Variants in KPLCE observed in about 807,000 individuals in gnomAD.
KPLCE encodes the protein KPRP N-terminal and LCE C-terminal like protein.
chr1:152,720,087 G>A, the KPLCE span: 214 of 1,551,694 alleles, frequency 1.4e-4, no homozygotes, highest in African/African-American at 2.3e-3. Flanking sequence ...TGGATTCAGC[G>A]GCCCCAGAAC....
the KPLCE span, chr1:152,719,600 A>G: frequency 6.4e-7 from 1 of 1,551,898 alleles, no homozygotes; most frequent in Non-Finnish European, 8.7e-7. Flanking sequence ...GCAGGGTAGC[A>G]ATGGTGCCTC....
chr1:152,719,744 C>G, the KPLCE span: 31 of 1,552,096 alleles, frequency 2.0e-5, no homozygotes, highest in Non-Finnish European at 2.6e-5. Flanking sequence ...AGCTCCCTGC[C>G]AGAGGACCTA....
chr1:152,719,671 C>A, the KPLCE span: 1 of 1,552,162 alleles, frequency 6.4e-7, no homozygotes, highest in Non-Finnish European at 8.7e-7. Flanking sequence ...CTGCTCCATG[C>A]CCTACTCAAA....
At chr1:152,719,718 CCTA>C in the KPLCE span, 1 of 1,552,262 alleles carries the variant, frequency 6.4e-7, no homozygotes, top group Non-Finnish European at 8.7e-7. Context: ...CAGACTCAAA[CCTA>C]CGTGAAGTGC....
chr1:152,720,036 G>A, the KPLCE span: 145,583 of 1,551,678 alleles, frequency 0.094, 7,273 homozygotes, highest in Middle Eastern at 0.13. Flanking sequence ...AGCTACTGCT[G>A]TCTGGCTCCC....
the KPLCE span, chr1:152,720,440 C>A: frequency 1.6e-6 from 1 of 607,074 alleles, no homozygotes; most frequent in Non-Finnish European, 2.9e-6. Flanking sequence ...GTACAGTCCC[C>A]AAACTTTGGC....
At chr1:152,720,034 C>T in the KPLCE span, 2 of 1,551,648 alleles carry the variant, frequency 1.3e-6, no homozygotes, top group African/African-American at 1.4e-5. Flanking sequence ...CCAGCTACTG[C>T]TGTCTGGCTC....
At chr1:152,720,450 C>T in the KPLCE span, 5 of 596,834 alleles carry the variant, frequency 8.4e-6, no homozygotes, top group Non-Finnish European at 1.5e-5. Flanking sequence ...CAAACTTTGG[C>T]ATGAATAAAG....
At chr1:152,720,014 C>G in the KPLCE span, 1 of 1,551,792 alleles carries the variant, frequency 6.4e-7, no homozygotes, top group Non-Finnish European at 8.7e-7. Flanking sequence ...ATGCTCTGCT[C>G]CCTGTTCCAC....
At chr1:152,719,629 A>G in the KPLCE span, 10 of 1,551,990 alleles carry the variant, frequency 6.4e-6, no homozygotes, top group Admixed American at 2.0e-5. Context: ...GCCCAGTTCC[A>G]TGCCAGACCC....
the KPLCE span, chr1:152,720,014 C>T: frequency 6.4e-7 from 1 of 1,551,674 alleles, no homozygotes; most frequent in East Asian, 2.4e-5. Flanking sequence ...ATGCTCTGCT[C>T]CCTGTTCCAC....
the KPLCE span, chr1:152,720,203 T>C: frequency 6.4e-7 from 1 of 1,551,750 alleles, no homozygotes; most frequent in Non-Finnish European, 8.7e-7. Flanking sequence ...TGGGTGCTGC[T>C]GTTTGGGAAT....
chr1:152,720,309 C>A, the KPLCE span: 1 of 1,467,242 alleles, frequency 6.8e-7, no homozygotes, highest in Non-Finnish European at 9.2e-7. Context: ...TGCACTGCCC[C>A]GCTACCCCTT....
At chr1:152,719,963 C>G in the KPLCE span, 2 of 1,551,820 alleles carry the variant, frequency 1.3e-6, no homozygotes, top group Admixed American at 2.0e-5. Flanking sequence ...TGTTCAAGCT[C>G]CTGCAAGTGG....
At chr1:152,720,044 C>G in the KPLCE span, 1 of 1,551,756 alleles carries the variant, frequency 6.4e-7, no homozygotes, top group Non-Finnish European at 8.7e-7. Flanking sequence ...CTGTCTGGCT[C>G]CCCGGACCTT....
the KPLCE span, chr1:152,720,363 G>A: frequency 3.6e-6 from 4 of 1,099,052 alleles, no homozygotes; most frequent in Non-Finnish European, 3.9e-6. Flanking sequence ...GTTAGTGCCA[G>A]TGATGTAGAA....
chr1:152,719,793 G>T, the KPLCE span: 2 of 1,551,292 alleles, frequency 1.3e-6, no homozygotes, highest in Non-Finnish European at 1.7e-6. Flanking sequence ...TATGTGAAGT[G>T]CCCAGCTCCC....
the KPLCE span, chr1:152,720,048 G>C: frequency 6.4e-7 from 1 of 1,551,602 alleles, no homozygotes; most frequent in South Asian, 1.2e-5. Flanking sequence ...CTGGCTCCCC[G>C]GACCTTCGGG....
chr1:152,719,673 C>T, the KPLCE span: 1 of 1,552,178 alleles, frequency 6.4e-7, no homozygotes, highest in African/African-American at 1.4e-5. Context: ...GCTCCATGCC[C>T]TACTCAAACT....
Sources: allele counts gnomAD v4.1 joint callset, GRCh38; gene constraint gnomAD v4.1.1; transcripts MANE v1.5; gene names NCBI Gene and HGNC (gene_info 2026-07-23, HGNC 2026-07-21).